The following PER3 variants were observed in gnomAD, a reference collection of about 807,000 sequenced individuals.
The protein encoded by PER3 is period circadian regulator 3.
Under a neutral mutation model 127.2 loss-of-function variants are expected in PER3, and 107 were observed. The ratio of observed to expected loss-of-function variants is 0.84; its 90% CI spans 0.72 to 0.99. The LOEUF (loss-of-function observed/expected upper bound fraction) is 0.99. Ranked by LOEUF, PER3 falls within the 50% of genes least tolerant of loss-of-function variation. PER3 has a pLI of 0.00. For missense variants in PER3, 1,560 were observed against 1,525.8 expected, an observed-to-expected ratio of 1.02 and a Z score of -0.37; for synonymous variants, 618 against 585.8, an observed-to-expected ratio of 1.05 and a Z score of -0.79.
intron 13 of PER3, among the ~76,000 whole-genome samples, chr1:7,817,511 T>C (rs1558439867): frequency 6.6e-6 from 1 of 152,126 alleles, no homozygotes; most frequent in East Asian, 1.9e-4. Context: ...CCCACCAGAG[T>C]ATGGGTTAGC....
intron 1 of PER3, 103 bp downstream of exon 1, chr1:7,784,479 C>G (rs868315895): frequency 6.4e-6 from 1 of 156,734 alleles, no homozygotes; most frequent in Non-Finnish European, 1.4e-5. Flanking sequence ...GTACTGGGGG[C>G]CCCCGGAGCG....
At position 7,801,036 on chromosome 1, in the gene PER3, A is replaced by T. The variant is rs185685578; in HGVS notation, c.794-77A>T. 1.5e-4 allele frequency: 124 copies of T among 846,048 alleles called. No individual in the cohort carries two copies. In the African/African-American group the frequency reaches 2.0e-3, roughly 14 times the overall value. The allele number at this position is 846,048 out of a possible 1,614,324, so 52.4% of individuals were successfully genotyped here. A position where few individuals can be genotyped will look rare whatever the true frequency, so the allele number is the denominator to read the frequency against. On this transcript the variant is annotated intron_variant, in intron 7 of 21. Coordinates refer to ENST00000377532, the MANE Select transcript of PER3 (RefSeq NM_001377275.1). ...TCATATAGATTTTGTTCTCTTTTTA[A>T]TATGTTAAGTGGTTAGTTAGGTGGA...
chr1:7,800,074 GTT>G (rs2097163700), intron 7 of PER3, among the ~76,000 whole-genome samples: 1 of 152,046 alleles, frequency 6.6e-6, no homozygotes, highest in Non-Finnish European at 1.5e-5. Flanking sequence ...CATCAGACCT[GTT>G]TTTGTGTATT....
chr1:7,797,044 T>A (rs2097148792), intron 6 of PER3, among the ~76,000 whole-genome samples: 1 of 152,188 alleles, frequency 6.6e-6, no homozygotes, highest in South Asian at 2.1e-4. Flanking sequence ...ATATCCAAGT[T>A]GAGACTCTAT....
rs902321838 is a variant in PER3 at position 7,806,806 on chromosome 1, AAAAAAAATATAT to A, written c.1137-2085_1137-2074del. On this transcript the variant is annotated intron_variant, in intron 10 of 21. Transcript: ENST00000377532. ...AAGACCCTGTCTCTTAAAAAAAAAA[AAAAAAAATATAT>A]ATATATATATATATATATTACATAC... is the stretch of plus-strand genomic sequence containing the variant. Among the ~76,000 whole-genome samples, 6 of 58,610 alleles carry A rather than the reference AAAAAAAATATAT, an allele frequency of 1.0e-4. No individual in the cohort carries two copies. In the East Asian group the frequency reaches 9.4e-3, roughly 92 times the overall value. The allele number at this position is 58,610 out of a possible 152,430, so 38.5% of individuals were successfully genotyped here.
At chr1:7,836,790 A>G in intron 20 of PER3, 1 of 444,846 alleles carries the variant, frequency 2.2e-6, no homozygotes. Flanking sequence ...CATACACCTC[A>G]TTAAAACATC....
chr1:7,807,808 G>A lies in PER3; in HGVS notation c.1137-1085G>A, dbSNP rs539885891. On this transcript the variant is annotated intron_variant, in intron 10 of 21. Transcript: ENST00000377532. ...CTGGAGCCCAGACTCTGGTCCCTTC[G>A]TGAACACCTGCTTCCCCCTTACCTG... is the stretch of plus-strand genomic sequence containing the variant. 2.6e-5 allele frequency among the ~76,000 whole-genome samples: 4 copies of A among 152,166 alleles called. No homozygotes were observed. In the South Asian group the frequency reaches 6.2e-4, roughly 24 times the overall value.
intron 2 of PER3, 93 bp downstream of exon 2, chr1:7,785,098 T>G: frequency 7.2e-7 from 1 of 1,391,772 alleles, no homozygotes; most frequent in South Asian, 1.4e-5. Context: ...ATTCTTTTGT[T>G]TTCAAGCCCA....
intron 18 of PER3, 106 bp from the exon 19 acceptor site, chr1:7,829,728 C>T: frequency 1.1e-6 from 1 of 908,204 alleles, no homozygotes; most frequent in Admixed American, 2.4e-5. Flanking sequence ...CCTTGGTTGA[C>T]CACAGGTAAC....
intron 18 of PER3, among the ~76,000 whole-genome samples, 182 bp downstream of exon 18, chr1:7,827,997 G>A (rs1320057980): frequency 1.3e-5 from 2 of 152,204 alleles, no homozygotes; most frequent in African/African-American, 4.8e-5. Context: ...TGTTTGGAAA[G>A]TAGACATGAA....
intron 7 of PER3, among the ~76,000 whole-genome samples, chr1:7,799,803 T>C (rs2097162305): frequency 6.6e-6 from 1 of 151,966 alleles, no homozygotes; most frequent in Admixed American, 6.6e-5. Flanking sequence ...AGGGTTTTGC[T>C]CTGTCACTCA....
At chr1:7,801,816 T>C (rs2097171903) in intron 8 of PER3, among the ~76,000 whole-genome samples, 2 of 152,202 alleles carry the variant, frequency 1.3e-5, no homozygotes, top group South Asian at 4.1e-4. Flanking sequence ...ACTACATCAG[T>C]ATCCCGCATT....
chr1:7,792,101 T>C (rs1053253527), intron 5 of PER3, among the ~76,000 whole-genome samples: 2 of 152,208 alleles, frequency 1.3e-5, no homozygotes, highest in Admixed American at 6.5e-5. Flanking sequence ...ATTCTCATGC[T>C]GCTAATAAAG....
chr1:7,827,812 G>A lies in PER3; in HGVS notation c.2883G>A (p.Glu961=), dbSNP rs1553320994. Residue 961 remains glutamate, a synonymous_variant, in exon 18 of 22, where the codon GAG becomes GAA. Transcript: ENST00000377532. ...GAAGGAACACGTGCCCACAAACTGA[G>A]TATGTAAGTGATGCTCATTTTCAAC... ...QMRRNTCPQT[E]YQCVTGNNGS... The A allele has an allele frequency of 3.1e-6, 5 of 1,599,718 alleles. No homozygotes were observed. In the South Asian group the frequency reaches 4.4e-5, roughly 14 times the overall value.
At chr1:7,812,172 A>G (rs1034561308) in intron 13 of PER3, among the ~76,000 whole-genome samples, 1 of 151,942 alleles carries the variant, frequency 6.6e-6, no homozygotes, top group Admixed American at 6.6e-5. Flanking sequence ...TCACACACTG[A>G]CCTCTGTCCT....
intron 19 of PER3, among the ~76,000 whole-genome samples, chr1:7,831,843 TCTTTA>T (rs1217978029): frequency 6.6e-6 from 1 of 152,236 alleles, no homozygotes. Flanking sequence ...CCATTTACTT[TCTTTA>T]CTTGTAATGT....
At chr1:7,828,513 C>T (rs898242218) in intron 18 of PER3, among the ~76,000 whole-genome samples, 4 of 152,188 alleles carry the variant, frequency 2.6e-5, no homozygotes, top group African/African-American at 7.2e-5. Flanking sequence ...TTGACCTTCT[C>T]TTTAAGGTAC....
intron 19 of PER3, among the ~76,000 whole-genome samples, chr1:7,833,495 C>G (rs936305301): frequency 2.6e-5 from 4 of 152,180 alleles, no homozygotes; most frequent in Non-Finnish European, 5.9e-5. Flanking sequence ...GAATTGCTCT[C>G]TTTATCCTGA....
At position 7,830,179 on chromosome 1, in the gene PER3, CTAA is replaced by C. The variant is rs776802974; in HGVS notation, c.3214+20_3214+22del. 6.2e-7 allele frequency: 1 copy of C among 1,601,490 alleles called. No individual in the cohort carries two copies. The highest frequency in any genetic ancestry group is 1.1e-5 in the South Asian group (1 of 90,302). Reference sequence around the variant, plus strand: ...AGCATCAGGTAGTGGATCAGGACAACTAATGTTTCAAACTCCAATGCCAGACAT... The same window carrying C: ...AGCATCAGGTAGTGGATCAGGACAACTGTTTCAAACTCCAATGCCAGACAT... On this transcript the variant is annotated intron_variant, in intron 19 of 21. Coordinates refer to ENST00000377532, the MANE Select transcript of PER3 (RefSeq NM_001377275.1).
Sources: gnomAD v4.1 joint callset for allele counts (sites outside exome capture counted in the v4.1 genomes callset) on GRCh38, gnomAD v4.1.1 for gene constraint, MANE v1.5 for transcripts, NCBI Gene and HGNC (gene_info 2026-07-23, HGNC 2026-07-21) for gene names.